Variants in GFRA1 observed in about 807,000 individuals in gnomAD.
The protein encoded by GFRA1 is GDNF family receptor alpha 1.
GFRA1 carries 16 observed loss-of-function variants against 51.6 expected under a neutral mutation model. The observed-to-expected ratio is 0.31, with a 90% confidence interval of 0.21 to 0.47. GFRA1 has a LOEUF of 0.47. GFRA1 is among the 20% of genes least tolerant of loss of function. The pLI, the probability that GFRA1 is intolerant of heterozygous loss-of-function variation, is 1.00. For synonymous variants in GFRA1, 270 were observed against 241.3 expected, an observed-to-expected ratio of 1.12 and a Z score of -1.10; for missense variants, 530 against 594.3, an observed-to-expected ratio of 0.89 and a Z score of 1.13.
chr10:116,134,392 G>A (rs1197387550), intron 5 of GFRA1, among the ~76,000 whole-genome samples: 1 of 152,186 alleles, frequency 6.6e-6, no homozygotes, highest in African/African-American at 2.4e-5. Flanking sequence ...CTTCACAGGT[G>A]TAGGCAAACT....
At chr10:116,198,263 G>A (rs1234120430) in intron 5 of GFRA1, among the ~76,000 whole-genome samples, 2 of 152,114 alleles carry the variant, frequency 1.3e-5, no homozygotes, top group Non-Finnish European at 2.9e-5. Flanking sequence ...AAACCTCCAC[G>A]CTGGCCTAAA....
chr10:116,267,188 G>A (rs1969726835), intron 4 of GFRA1, among the ~76,000 whole-genome samples: 1 of 152,100 alleles, frequency 6.6e-6, no homozygotes, highest in African/African-American at 2.4e-5. Context: ...ATTGCGGGCA[G>A]GCACGGTGGC....
intron 5 of GFRA1, among the ~76,000 whole-genome samples, chr10:116,210,362 T>C (rs1965096098): frequency 6.6e-6 from 1 of 152,144 alleles, no homozygotes; most frequent in East Asian, 1.9e-4. Flanking sequence ...TACATTCTAG[T>C]TCACAGAAAA....
At chr10:116,065,480 T>C in intron 10 of GFRA1, 93 bp downstream of exon 10, 2 of 1,000,610 alleles carry the variant, frequency 2.0e-6, no homozygotes, top group Admixed American at 3.7e-5. Context: ...GATACCTTCT[T>C]GTCTTTGAAT....
At position 116,064,052 on chromosome 10, in the gene GFRA1, C is replaced by CATGATGATCATCATCATGATCATG. The variant is rs1478844046; in HGVS notation, c.*322_*345dup. On this transcript the variant is annotated 3_prime_UTR_variant, in exon 11 of 11. Transcript: ENST00000355422. ...AAACTGTTAAAATCATCATCATGAT[C>CATGATGATCATCATCATGATCATG]ATGATGATCATCATCATGATCATGA... 2.8e-5 allele frequency: 3 copies of CATGATGATCATCATCATGATCATG among 107,578 alleles called. No homozygotes were observed. In the African/African-American group the frequency reaches 5.8e-4, roughly 21 times the overall value. The allele number at this position is 107,578 out of a possible 1,614,324, so 6.7% of individuals were successfully genotyped here.
rs928828049 is a variant in GFRA1 at position 116,272,339 on chromosome 10, C to T, written c.-246-64G>A. The stretch of plus-strand genomic sequence containing the variant: ...CGCCGGAGACTCCCCCCACAGAACC[C>T]TCTCCCCTCCCCCGTTCCCGCCTTT... On this transcript the variant is annotated intron_variant, in intron 1 of 10. Transcript: ENST00000355422. The surrounding 1 kb of genome is among the most constrained non-coding windows in gnomAD (Gnocchi z 4.4). 6.0e-6 allele frequency: 3 copies of T among 499,246 alleles called. No homozygotes were observed. The highest frequency in any genetic ancestry group is 7.3e-6 in the Non-Finnish European group (2 of 275,060). 30.9% of individuals were successfully genotyped at this position (499,246 alleles called of 1,614,324 possible).
chr10:116,091,991 A>G (rs1956358762), intron 8 of GFRA1, among the ~76,000 whole-genome samples: 1 of 152,216 alleles, frequency 6.6e-6, no homozygotes, highest in Non-Finnish European at 1.5e-5. Flanking sequence ...AGCCAGCATG[A>G]GCAAAATCTT....
chr10:116,150,117 C>G (rs1383921944), intron 5 of GFRA1, among the ~76,000 whole-genome samples: 1 of 152,142 alleles, frequency 6.6e-6, no homozygotes, highest in Non-Finnish European at 1.5e-5. Flanking sequence ...AGTGGTAGGG[C>G]TGCAGTTTGA....
At chr10:116,205,970 A>ACACACACAC (rs1555167784) in intron 5 of GFRA1, among the ~76,000 whole-genome samples, 3 of 149,434 alleles carry the variant, frequency 2.0e-5, no homozygotes, top group Non-Finnish European at 3.0e-5. Flanking sequence ...ACACACACAC[A>ACACACACAC]AAGTGAATCT....
At chr10:116,232,637 G>A (rs1966755591) in intron 4 of GFRA1, among the ~76,000 whole-genome samples, 1 of 152,170 alleles carries the variant, frequency 6.6e-6, no homozygotes, top group Non-Finnish European at 1.5e-5. Flanking sequence ...GAGAAAAGGA[G>A]AATTGCAAAT....
chr10:116,229,907 C>G (rs950303185), intron 4 of GFRA1, among the ~76,000 whole-genome samples: 3 of 152,162 alleles, frequency 2.0e-5, no homozygotes, highest in Non-Finnish European at 4.4e-5. Context: ...GGAGACTGCC[C>G]TGCGGTGTCA....
At chr10:116,112,325 C>T (rs545001317) in intron 6 of GFRA1, among the ~76,000 whole-genome samples, 2 of 152,274 alleles carry the variant, frequency 1.3e-5, no homozygotes, top group Admixed American at 6.5e-5. Flanking sequence ...GGGTGCTTCC[C>T]GGGACCTGAA....
In GFRA1 at chr10:116,125,314, C is replaced by T. The variant is rs777650834; in HGVS notation, c.677G>A (p.Arg226Gln). 7 of 1,614,228 alleles carry T rather than the reference C, an allele frequency of 4.3e-6. No homozygotes were observed. Among genetic ancestry groups the T allele is most frequent in the South Asian group, 3.3e-5 (3 of 91,088 alleles). The change falls in exon 6 of 11, where the codon CGA becomes CAA. Residue 226 changes from arginine (R) to glutamine (Q), a missense_variant. Coordinates refer to ENST00000355422, the MANE Select transcript of GFRA1 (RefSeq NM_005264.8). ...CRDIACTERR[R>Q]QTIVPVCSYE... ...GGAGCACACAGGCACGATGGTCTGT[C>T]GCCTCCGCTCTGTGCAGGCGATGTC...
At chr10:116,144,146 T>C (rs188286846) in intron 5 of GFRA1, among the ~76,000 whole-genome samples, 9 of 152,280 alleles carry the variant, frequency 5.9e-5, no homozygotes, top group Admixed American at 3.9e-4. Context: ...GACCATGTTT[T>C]AAGAAATATT....
chr10:116,203,706 G>A (rs1964514057), intron 5 of GFRA1, among the ~76,000 whole-genome samples: 1 of 152,228 alleles, frequency 6.6e-6, no homozygotes. Flanking sequence ...AGACTTAAAA[G>A]ATGGCTCTAT....
At chr10:116,150,792 G>A (rs1296549047) in intron 5 of GFRA1, among the ~76,000 whole-genome samples, 1 of 152,114 alleles carries the variant, frequency 6.6e-6, no homozygotes, top group African/African-American at 2.4e-5. Flanking sequence ...TGTTAACATT[G>A]TTCCCGAACA....
chr10:116,084,773 C>CAG (rs1956018338), intron 9 of GFRA1, among the ~76,000 whole-genome samples: 1 of 67,382 alleles, frequency 1.5e-5, no homozygotes. Context: ...CACACACACA[C>CAG]ACACACACAC....
chr10:116,210,342 TG>T (rs373299550), intron 5 of GFRA1, among the ~76,000 whole-genome samples: 12 of 152,248 alleles, frequency 7.9e-5, no homozygotes, highest in African/African-American at 2.9e-4. Flanking sequence ...CAATTCAGTG[TG>T]GGGTTGCTTA....
chr10:116,226,955 G>A (rs993580782), intron 4 of GFRA1, among the ~76,000 whole-genome samples: 15 of 152,028 alleles, frequency 9.9e-5, no homozygotes, highest in African/African-American at 2.4e-4. Flanking sequence ...CAGGTCAGGC[G>A]GTAATGTGGG....
Sources: gnomAD v4.1 joint callset for allele counts (sites outside exome capture counted in the v4.1 genomes callset) on GRCh38, gnomAD v4.1.1 for gene constraint, Gnocchi (gnomAD v3.1) non-coding constraint, MANE v1.5 for transcripts, NCBI Gene and HGNC (gene_info 2026-07-23, HGNC 2026-07-21) for gene names.